The following INPP4B variants were observed in gnomAD, a reference collection of about 807,000 sequenced individuals.
The protein encoded by INPP4B is inositol polyphosphate 4-phosphatase type II.
Under a neutral mutation model 122.5 loss-of-function variants are expected in INPP4B, and 55 were observed. The observed-to-expected ratio is 0.45, with a 90% CI of 0.36 to 0.56. The LOEUF (loss-of-function observed/expected upper bound fraction) is 0.56. Ranked by LOEUF, INPP4B falls within the 20% of genes least tolerant of loss-of-function variation. The pLI is 0.00. For synonymous variants in INPP4B, 403 were observed against 388.7 expected (o/e 1.04, Z -0.43); for missense variants, 1,000 against 1,097.7 (o/e 0.91, Z 1.26).
chr4:142,112,830 C>A (rs1790903650), intron 21 of INPP4B, 148 bp from the exon 22 acceptor site: 3 of 610,244 alleles, frequency 4.9e-6, no homozygotes, highest in Non-Finnish European at 8.0e-6. Flanking sequence ...ATTCATTCAT[C>A]TCCTTATTAA....
At chr4:142,093,428 C>G (rs1780445817) in intron 23 of INPP4B, among the ~76,000 whole-genome samples, 1 of 152,114 alleles carries the variant, frequency 6.6e-6, no homozygotes, top group South Asian at 2.1e-4. Context: ...AGCTTGTTAT[C>G]TGGCAATAAG....
At chr4:142,128,069 C>T (rs978060218) in intron 18 of INPP4B, among the ~76,000 whole-genome samples, 7 of 152,056 alleles carry the variant, frequency 4.6e-5, no homozygotes, top group Admixed American at 2.0e-4. Flanking sequence ...AAAACCCAAG[C>T]TTCAGCTCTT....
At chr4:142,305,708 G>T in intron 8 of INPP4B, 171 bp from the exon 9 acceptor site, 17 of 1,441,316 alleles carry the variant, frequency 1.2e-5, no homozygotes, top group Admixed American at 2.5e-5. Context: ...ACCTCATGGG[G>T]TAGGATTAAA....
At chr4:142,139,516 A>C (rs1019736133) in intron 18 of INPP4B, among the ~76,000 whole-genome samples, 31 of 152,264 alleles carry the variant, frequency 2.0e-4, no homozygotes, top group African/African-American at 7.2e-4. Context: ...CATGTTGGCC[A>C]GGCTGGTCTT....
chr4:142,128,765 C>T (rs1014721915), intron 18 of INPP4B, among the ~76,000 whole-genome samples: 9 of 151,890 alleles, frequency 5.9e-5, no homozygotes, highest in South Asian at 2.1e-4. Context: ...ATTCAGAGAA[C>T]GGCTGCTGGG....
intron 3 of INPP4B, among the ~76,000 whole-genome samples, chr4:142,438,945 T>C: frequency 6.6e-6 from 1 of 152,200 alleles, no homozygotes; most frequent in East Asian, 1.9e-4. Context: ...AAATTTCTTG[T>C]GAATAAATCA....
chr4:142,137,145 C>T (rs1459693205), intron 18 of INPP4B, among the ~76,000 whole-genome samples: 1 of 152,148 alleles, frequency 6.6e-6, no homozygotes, highest in Non-Finnish European at 1.5e-5. Flanking sequence ...TACTACAAGG[C>T]TACAGTGACC....
At chr4:142,762,459 A>T (rs1205831537) in intron 1 of INPP4B, among the ~76,000 whole-genome samples, 1 of 152,160 alleles carries the variant, frequency 6.6e-6, no homozygotes, top group East Asian at 1.9e-4. Flanking sequence ...CTTACTCAAG[A>T]GTAAAAATAG....
chr4:142,413,225 C>T (rs1179226227), intron 5 of INPP4B, among the ~76,000 whole-genome samples: 2 of 151,880 alleles, frequency 1.3e-5, no homozygotes, highest in African/African-American at 4.8e-5. Context: ...AAATTAATGT[C>T]CCAAATTCAA....
chr4:142,442,317 C>A (rs1238940968), intron 3 of INPP4B, among the ~76,000 whole-genome samples: 1 of 141,408 alleles, frequency 7.1e-6, no homozygotes, highest in Non-Finnish European at 1.5e-5. Context: ...GTGGCTGAGG[C>A]AGGAGAATTG....
chr4:142,711,874 C>G (rs900044174), intron 2 of INPP4B, among the ~76,000 whole-genome samples: 3 of 152,032 alleles, frequency 2.0e-5, no homozygotes, highest in African/African-American at 7.2e-5. Flanking sequence ...ATGGCAAAAC[C>G]CTGTCTCTAC....
At chr4:142,640,410 A>C in intron 2 of INPP4B, among the ~76,000 whole-genome samples, 1 of 152,148 alleles carries the variant, frequency 6.6e-6, no homozygotes, top group East Asian at 1.9e-4. Context: ...ATTATGAGGA[A>C]GTTGACACTG....
intron 25 of INPP4B, among the ~76,000 whole-genome samples, chr4:142,057,795 A>G (rs1425373882): frequency 1.3e-5 from 2 of 152,112 alleles, no homozygotes; most frequent in African/African-American, 2.4e-5. Context: ...CTTATTAAAC[A>G]TTTCTAGAAT....
intron 25 of INPP4B, chr4:142,029,897 C>A: frequency 8.6e-7 from 1 of 1,165,846 alleles, no homozygotes; most frequent in Non-Finnish European, 1.1e-6. Context: ...TTTAAAAATT[C>A]TTCTTGAGCT....
intron 17 of INPP4B, among the ~76,000 whole-genome samples, chr4:142,152,236 G>A (rs1483920151): frequency 1.3e-5 from 2 of 151,112 alleles, no homozygotes; most frequent in African/African-American, 4.9e-5. Flanking sequence ...CACCACACCC[G>A]GCTAATTTTT....
intron 17 of INPP4B, among the ~76,000 whole-genome samples, chr4:142,156,488 A>C (rs938767349): frequency 3.9e-5 from 6 of 152,268 alleles, no homozygotes; most frequent in African/African-American, 1.4e-4. Context: ...CTAAAAGAGA[A>C]TGGTATGTTA....
intron 3 of INPP4B, among the ~76,000 whole-genome samples, chr4:142,440,225 G>A (rs1352742726): frequency 1.3e-5 from 2 of 152,200 alleles, no homozygotes; most frequent in Non-Finnish European, 2.9e-5. Context: ...TTCAGTCTTA[G>A]TAGGAGGAAA....
At chr4:142,657,876 GT>G (rs1350880467) in intron 2 of INPP4B, among the ~76,000 whole-genome samples, 2 of 152,124 alleles carry the variant, frequency 1.3e-5, no homozygotes, top group Non-Finnish European at 2.9e-5. Context: ...TCAAATTTAA[GT>G]TTCAAAATTG....
At chr4:142,554,239 T>C (rs1367732687) in intron 2 of INPP4B, among the ~76,000 whole-genome samples, 1 of 150,618 alleles carries the variant, frequency 6.6e-6, no homozygotes, top group Non-Finnish European at 1.5e-5. Flanking sequence ...TCCACTTCCT[T>C]CCACTCCAGA....
Sources: allele counts gnomAD v4.1 joint callset (sites outside exome capture counted in the v4.1 genomes callset), GRCh38; gene constraint gnomAD v4.1.1; transcripts MANE v1.5; gene names NCBI Gene and HGNC (gene_info 2026-07-23, HGNC 2026-07-21).